The following COL4A4 variants were observed in gnomAD, a reference collection of about 807,000 sequenced individuals.
COL4A4 encodes collagen type IV alpha 4 chain.
In COL4A4, 105 loss-of-function variants were observed where a neutral mutation model predicts 192.9. The ratio of observed to expected loss-of-function variants is 0.54; its 90% CI spans 0.46 to 0.64. The LOEUF (loss-of-function observed/expected upper bound fraction) is 0.64, where lower values mean the gene tolerates loss of function less well. Ranked by LOEUF, COL4A4 falls within the 30% of genes least tolerant of loss-of-function variation. The pLI, the probability that COL4A4 is intolerant of heterozygous loss-of-function variation, is 0.00. For missense variants in COL4A4, 1,967 were observed against 2,169.3 expected (o/e 0.91, Z 1.85); for synonymous variants, 762 against 769.9 (o/e 0.99, Z 0.17).
At chr2:227,001,625 A>G (rs1033712105), downstream of COL4A4, among the ~76,000 whole-genome samples, 3 of 152,222 alleles carry the variant, frequency 2.0e-5, no homozygotes, top group African/African-American at 4.8e-5. Flanking sequence ...TATTATCTTT[A>G]GAACAGACAG....
chr2:227,085,253 G>A (rs908991886), intron 22 of COL4A4, among the ~76,000 whole-genome samples: 8 of 152,196 alleles, frequency 5.3e-5, no homozygotes, highest in African/African-American at 1.9e-4. Flanking sequence ...CGCCTGTCCA[G>A]TCCAAGGGGA....
chr2:227,017,153 C>T (rs777953946), intron 44 of COL4A4, among the ~76,000 whole-genome samples: 6 of 152,170 alleles, frequency 3.9e-5, no homozygotes, highest in Non-Finnish European at 8.8e-5. Flanking sequence ...TTCCACTGAA[C>T]AGGCAGCAGC....
At chr2:227,134,064 T>G (rs2062659696) in intron 4 of COL4A4, among the ~76,000 whole-genome samples, 1 of 152,120 alleles carries the variant, frequency 6.6e-6, no homozygotes, top group Non-Finnish European at 1.5e-5. Flanking sequence ...TAAGCCCACA[T>G]TATAAACTGG....
At chr2:227,067,065 T>A (rs1358352743) in intron 25 of COL4A4, among the ~76,000 whole-genome samples, 5 of 151,704 alleles carry the variant, frequency 3.3e-5, no homozygotes, top group African/African-American at 9.7e-5. Context: ...GGGATTGCAA[T>A]CCTAGTCTCT....
chr2:227,145,292 C>G (rs1281307374), intron 2 of COL4A4, among the ~76,000 whole-genome samples: 1 of 151,972 alleles, frequency 6.6e-6, no homozygotes, highest in Non-Finnish European at 1.5e-5. Context: ...TACTAAAATA[C>G]AAAAATTAGC....
At chr2:227,108,991 TG>T in intron 10 of COL4A4, 123 bp from the exon 11 acceptor site, 1 of 1,048,440 alleles carries the variant, frequency 9.5e-7, no homozygotes, top group Non-Finnish European at 1.5e-6. Flanking sequence ...CATGCAGTGA[TG>T]GAGTTTCTAT....
intron 42 of COL4A4, among the ~76,000 whole-genome samples, chr2:227,026,454 G>A (rs1038582849): frequency 2.0e-5 from 3 of 148,244 alleles, no homozygotes; most frequent in South Asian, 2.1e-4. Context: ...AGCCGAGATC[G>A]CACCACTGCA....
chr2:227,140,921 A>ACC (rs1491378576), intron 3 of COL4A4, among the ~76,000 whole-genome samples: 8 of 125,988 alleles, frequency 6.3e-5, no homozygotes, highest in Non-Finnish European at 8.4e-5. Context: ...ACACACACAC[A>ACC]CCCTTTAGGA....
intron 20 of COL4A4, among the ~76,000 whole-genome samples, chr2:227,091,701 C>T (rs2059940936): frequency 6.6e-6 from 1 of 152,046 alleles, no homozygotes; most frequent in Non-Finnish European, 1.5e-5. Context: ...TGAGACCAGC[C>T]TGGCCAACAT....
chr2:227,069,327 A>C (rs1293240563), intron 25 of COL4A4, among the ~76,000 whole-genome samples: 3 of 152,100 alleles, frequency 2.0e-5, no homozygotes, highest in Non-Finnish European at 4.4e-5. Context: ...CATCCCCATC[A>C]AGCTACCAAT....
chr2:227,046,848 G>T (rs983034493), intron 35 of COL4A4, among the ~76,000 whole-genome samples: 1 of 151,968 alleles, frequency 6.6e-6, no homozygotes. Flanking sequence ...ACTGTCACAA[G>T]AACTCAATGG....
chr2:227,063,608 T>G (rs144405698), intron 25 of COL4A4, among the ~76,000 whole-genome samples: 1 of 152,228 alleles, frequency 6.6e-6, no homozygotes. Flanking sequence ...GCCACCTTCT[T>G]AAGAGTTTTC....
At chr2:226,984,936 A>T in the COL4A4 span, among the ~76,000 whole-genome samples, 1 of 45,278 alleles carries the variant, frequency 2.2e-5, no homozygotes, top group African/African-American at 8.6e-5. Flanking sequence ...GGGGTGGGGG[A>T]GGGGGAGGAG....
At chr2:227,093,997 G>C (rs758428426) in intron 20 of COL4A4, 128 bp downstream of exon 20, 3 of 845,280 alleles carry the variant, frequency 3.5e-6, no homozygotes, top group Non-Finnish European at 5.5e-6. Context: ...GTTTGTAAAA[G>C]ACAACCAACT....
intron 44 of COL4A4, among the ~76,000 whole-genome samples, chr2:227,017,749 C>G (rs141372375): frequency 1.6e-3 from 239 of 152,244 alleles, no homozygotes; most frequent in African/African-American, 5.5e-3. Flanking sequence ...TCAGCTGTAG[C>G]ACATGGTTAC....
the COL4A4 span, chr2:226,995,459 C>T: frequency 1.2e-5 from 19 of 1,612,794 alleles, no homozygotes; most frequent in Admixed American, 5.0e-5. Flanking sequence ...CACCACCCTA[C>T]GGGTTTCATC....
At chr2:227,104,247 T>C in intron 12 of COL4A4, 195 bp from the exon 13 acceptor site, 1 of 606,274 alleles carries the variant, frequency 1.6e-6, no homozygotes, top group Admixed American at 2.7e-5. Context: ...TTGTTAAAAA[T>C]AAATTTAAAA....
At position 227,028,320 on chromosome 2, in the gene COL4A4, G is replaced by T. The variant is rs138350492; in HGVS notation, c.3974-311C>A. On this transcript the variant is annotated intron_variant, in intron 41 of 47. Coordinates refer to ENST00000396625, the MANE Select transcript of COL4A4 (RefSeq NM_000092.5). ...GGACTGGAACTGAAGGAAAAATCAGGAAAGAGCTTTCAATATCCGGGAACA... is the reference window on the plus strand; with the variant it reads ...GGACTGGAACTGAAGGAAAAATCAGTAAAGAGCTTTCAATATCCGGGAACA... Among the ~76,000 whole-genome samples the T allele has an allele frequency of 1.9e-3, 292 of 152,298 alleles. 1 individual carries two copies. The highest frequency in any genetic ancestry group is 6.8e-3 in the African/African-American group (282 of 41,546).
chr2:227,108,293 CA>C (rs1203242309), intron 12 of COL4A4, among the ~76,000 whole-genome samples: 2 of 152,086 alleles, frequency 1.3e-5, no homozygotes, highest in Non-Finnish European at 2.9e-5. Flanking sequence ...CGTGATTTGA[CA>C]AAGCTGTTAC....
Sources: allele counts gnomAD v4.1 joint callset (sites outside exome capture counted in the v4.1 genomes callset), GRCh38; gene constraint gnomAD v4.1.1; transcripts MANE v1.5; gene names NCBI Gene and HGNC (gene_info 2026-07-23, HGNC 2026-07-21).